The following ROBO1 variants were observed in gnomAD, a reference collection of about 807,000 sequenced individuals.
The protein encoded by ROBO1 is roundabout homolog 1.
ROBO1 carries 149 observed loss-of-function variants against 195.9 expected under a neutral mutation model. That is an observed-to-expected ratio of 0.76 (90% CI 0.67 to 0.87). The LOEUF is 0.87. Ranked by LOEUF, ROBO1 falls within the 40% of genes least tolerant of loss-of-function variation. ROBO1 has a pLI of 0.00. For synonymous variants in ROBO1, 816 were observed against 733.2 expected (o/e 1.11, Z -1.82); for missense variants, 1,933 against 2,068.3 (o/e 0.93, Z 1.27).
At chr3:79,460,569 A>G (rs1937597068) in intron 2 of ROBO1, among the ~76,000 whole-genome samples, 1 of 152,228 alleles carries the variant, frequency 6.6e-6, no homozygotes, top group Non-Finnish European at 1.5e-5. Context: ...AAATCAGAAT[A>G]TAGCATCAGA....
rs144978603 is a variant in ROBO1, at chr3:79,732,949, C to T, written c.-51+34803G>A. Among the ~76,000 whole-genome samples, 846 of 152,226 alleles carry T rather than the reference C, an allele frequency of 5.6e-3. 4 individuals carry two copies. Among genetic ancestry groups the T allele is most frequent in the African/African-American group, 0.017 (725 of 41,544 alleles). ...CCATATCTCAATCATGAGTTTTAGACCTGTAACTATCCATTAAACGACATT... is the reference window on the plus strand; with the variant it reads ...CCATATCTCAATCATGAGTTTTAGATCTGTAACTATCCATTAAACGACATT... On this transcript the variant is annotated intron_variant, in intron 1 of 30. Coordinates refer to ENST00000464233, the MANE Select transcript of ROBO1 (RefSeq NM_002941.4).
At chr3:78,638,171 G>T (rs1450597852) in intron 22 of ROBO1, among the ~76,000 whole-genome samples, 2 of 146,804 alleles carry the variant, frequency 1.4e-5, no homozygotes, top group East Asian at 4.0e-4. Flanking sequence ...CACACCTGCA[G>T]TGTGTGTGTG....
At chr3:79,251,613 T>C (rs929625230) in intron 2 of ROBO1, among the ~76,000 whole-genome samples, 1 of 152,114 alleles carries the variant, frequency 6.6e-6, no homozygotes, top group African/African-American at 2.4e-5. Flanking sequence ...TAGCTGGGCA[T>C]GGTGGCGGAC....
chr3:78,988,800 A>T (rs770238402), intron 3 of ROBO1, among the ~76,000 whole-genome samples: 1 of 152,222 alleles, frequency 6.6e-6, no homozygotes, highest in Admixed American at 6.5e-5. Flanking sequence ...AAGGAAACAT[A>T]TAACAGTTGT....
intron 1 of ROBO1, among the ~76,000 whole-genome samples, chr3:79,717,085 T>C (rs187940907): frequency 3.9e-5 from 6 of 152,108 alleles, no homozygotes; most frequent in Admixed American, 2.6e-4. Flanking sequence ...AAGCAAGTTA[T>C]GGATTTTGAT....
At chr3:79,406,363 T>C (rs887824119) in intron 2 of ROBO1, among the ~76,000 whole-genome samples, 18 of 151,396 alleles carry the variant, frequency 1.2e-4, no homozygotes, top group African/African-American at 4.1e-4. Context: ...AGCCTGGAGG[T>C]CAATGCTACA....
chr3:78,774,054 T>C (rs2083443942), intron 4 of ROBO1, among the ~76,000 whole-genome samples: 1 of 152,224 alleles, frequency 6.6e-6, no homozygotes, highest in Non-Finnish European at 1.5e-5. Flanking sequence ...CATTTTCTAA[T>C]TTAAGAATTT....
intron 2 of ROBO1, among the ~76,000 whole-genome samples, chr3:79,477,030 TGGCAG>T (rs1938578677): frequency 6.6e-6 from 1 of 152,138 alleles, no homozygotes; most frequent in Non-Finnish European, 1.5e-5. Flanking sequence ...AATTAATATG[TGGCAG>T]AACGTCAAAT....
chr3:79,624,616 TGGAAAA>T (rs1418285263), intron 1 of ROBO1, among the ~76,000 whole-genome samples: 71 of 151,922 alleles, frequency 4.7e-4, no homozygotes, highest in African/African-American at 1.6e-3. Flanking sequence ...CATTATATAA[TGGAAAA>T]GGGAACAATT....
At chr3:78,675,496 C>T (rs891949229) in intron 10 of ROBO1, among the ~76,000 whole-genome samples, 2 of 152,152 alleles carry the variant, frequency 1.3e-5, no homozygotes, top group Non-Finnish European at 2.9e-5. Context: ...GCTTAAAAAA[C>T]GGCGCACCAG....
chr3:78,944,870 G>A (rs191933092), intron 3 of ROBO1, among the ~76,000 whole-genome samples: 144 of 152,266 alleles, frequency 9.5e-4, no homozygotes, highest in African/African-American at 3.1e-3. Flanking sequence ...ATTATATCCC[G>A]CACGTGGCTC....
chr3:79,642,706 C>G (rs1202475709), intron 1 of ROBO1, among the ~76,000 whole-genome samples: 1 of 152,012 alleles, frequency 6.6e-6, no homozygotes, highest in East Asian at 1.9e-4. Flanking sequence ...ATGTCCTAGA[C>G]AAACAAAAGC....
intron 5 of ROBO1, among the ~76,000 whole-genome samples, chr3:78,738,628 T>C (rs558819843): frequency 1.5e-4 from 23 of 152,254 alleles, no homozygotes; most frequent in African/African-American, 5.3e-4. Flanking sequence ...ACTGTCCCCA[T>C]TTTCCCAGAC....
chr3:79,581,357 G>A (rs1208553551), intron 2 of ROBO1, among the ~76,000 whole-genome samples: 1 of 152,088 alleles, frequency 6.6e-6, no homozygotes, highest in Non-Finnish European at 1.5e-5. Context: ...GGCACGTGGG[G>A]TTTTTCTATC....
chr3:79,089,199 T>C (rs932955979), intron 3 of ROBO1, among the ~76,000 whole-genome samples: 6 of 152,074 alleles, frequency 3.9e-5, no homozygotes, highest in African/African-American at 1.4e-4. Flanking sequence ...ATCATATACC[T>C]CAGGTTATTC....
Position 78,606,740 on chromosome 3 carries a change from G to A in ROBO1, c.4737C>T (p.Leu1579=). The A allele has an allele frequency of 6.2e-7, 1 of 1,613,588 alleles. No homozygotes were observed. Among genetic ancestry groups the A allele is most frequent in the Non-Finnish European group, 8.5e-7 (1 of 1,179,658 alleles). Residue 1579 remains leucine, a synonymous_variant, in exon 29 of 31, where the codon CTC becomes CTT. Coordinates refer to ENST00000464233, the MANE Select transcript of ROBO1 (RefSeq NM_002941.4). ...KRDLPPAKTH[L]IQEDILPYCR... ...GCTTGATTGGATGAGTACCTTGGAT[G>A]AGATGAGTCTTTGCTGGTGGAAGGT...
chr3:79,518,391 A>C (rs1941045217), intron 2 of ROBO1, among the ~76,000 whole-genome samples: 1 of 152,122 alleles, frequency 6.6e-6, no homozygotes. Context: ...GCAATGGCAC[A>C]TGCTGCTCCT....
chr3:78,905,183 G>A (rs162266), intron 4 of ROBO1, among the ~76,000 whole-genome samples: 58,824 of 151,864 alleles, frequency 0.39, 12,146 homozygotes, highest in African/African-American at 0.54. Context: ...GAACTGCCTG[G>A]CATACTTCTT....
chr3:79,055,358 A>G (rs899101480), intron 3 of ROBO1, among the ~76,000 whole-genome samples: 1 of 152,094 alleles, frequency 6.6e-6, no homozygotes, highest in Non-Finnish European at 1.5e-5. Context: ...TAATTTCTAA[A>G]CAATGGCCCA....
Sources: gnomAD v4.1 joint callset for allele counts (sites outside exome capture counted in the v4.1 genomes callset) on GRCh38, gnomAD v4.1.1 for gene constraint, MANE v1.5 for transcripts, NCBI Gene and HGNC (gene_info 2026-07-23, HGNC 2026-07-21) for gene names.